Variants in MITF observed in about 807,000 individuals in gnomAD.
The protein encoded by MITF is melanocyte inducing transcription factor.
In MITF, 17 loss-of-function variants were observed where a neutral mutation model predicts 60.5. The observed-to-expected ratio is 0.28, with a 90% CI of 0.19 to 0.42. The LOEUF is 0.42. Ranked by LOEUF, MITF falls within the 10% of genes least tolerant of loss-of-function variation. The pLI is 1.00. For missense variants in MITF, 622 were observed against 683.5 expected, an observed-to-expected ratio of 0.91 and a Z score of 1.00; for synonymous variants, 260 against 248.5, an observed-to-expected ratio of 1.05 and a Z score of -0.43.
chr3:69,886,347 G>A (rs2064617876), intron 2 of MITF, among the ~76,000 whole-genome samples: 1 of 152,012 alleles, frequency 6.6e-6, no homozygotes, highest in Non-Finnish European at 1.5e-5. Context: ...TTGGATGGTG[G>A]GATGAACACT....
intron 1 of MITF, among the ~76,000 whole-genome samples, chr3:69,861,589 G>T (rs1256845554): frequency 2.0e-5 from 3 of 152,188 alleles, no homozygotes; most frequent in African/African-American, 7.2e-5. Context: ...GAGGGCTCTA[G>T]CATTCTGTCC....
chr3:69,856,340 G>A (rs1267306145), intron 1 of MITF, among the ~76,000 whole-genome samples: 1 of 152,142 alleles, frequency 6.6e-6, no homozygotes, highest in Non-Finnish European at 1.5e-5. Flanking sequence ...AATGGAAATA[G>A]GTATTAAAAT....
intron 1 of MITF, among the ~76,000 whole-genome samples, chr3:69,801,972 A>G (rs2062928053): frequency 6.6e-6 from 1 of 152,128 alleles, no homozygotes; most frequent in East Asian, 1.9e-4. Context: ...CTCAATAAAC[A>G]TGGGTCTTAT....
At chr3:69,769,264 A>G (rs1304142088) in intron 1 of MITF, among the ~76,000 whole-genome samples, 1 of 152,176 alleles carries the variant, frequency 6.6e-6, no homozygotes, top group East Asian at 1.9e-4. Context: ...CCTACCTCAT[A>G]AGGATGTGGC....
chr3:69,774,134 C>T (rs931088324), intron 1 of MITF, among the ~76,000 whole-genome samples: 1 of 152,196 alleles, frequency 6.6e-6, no homozygotes, highest in African/African-American at 2.4e-5. Context: ...TACCAATATC[C>T]TTTAAAAATG....
chr3:69,966,063 C>T lies in MITF; in HGVS notation c.*815C>T, dbSNP rs138600599. ...TGAGGAGCACTGAAAGTATGTTTTA[C>T]TTTTTTTTTATTTTATTTTTGCTTT... On this transcript the variant is annotated 3_prime_UTR_variant, in exon 10 of 10. Transcript: ENST00000352241. The T allele has an allele frequency of 3.3e-3, 772 of 230,880 alleles. 6 individuals carry two copies. The highest frequency in any genetic ancestry group is 0.016 in the African/African-American group (740 of 45,134). The allele number at this position is 230,880 out of a possible 1,614,324, so 14.3% of individuals were successfully genotyped here. A position where few individuals can be genotyped will look rare whatever the true frequency, so the allele number is the denominator to read the frequency against.
intron 1 of MITF, among the ~76,000 whole-genome samples, chr3:69,877,181 A>G (rs971796949): frequency 2.0e-5 from 3 of 152,198 alleles, no homozygotes; most frequent in Admixed American, 2.0e-4. Context: ...TTGAATTCAT[A>G]TATGATAATG....
chr3:69,943,235 C>CA (rs1450631675), intron 5 of MITF, among the ~76,000 whole-genome samples: 1 of 151,682 alleles, frequency 6.6e-6, no homozygotes, highest in Non-Finnish European at 1.5e-5. Context: ...GTATTCTCCA[C>CA]AAAAAAATCA....
At chr3:69,865,109 G>C (rs1407208069) in intron 1 of MITF, among the ~76,000 whole-genome samples, 1 of 152,120 alleles carries the variant, frequency 6.6e-6, no homozygotes, top group Non-Finnish European at 1.5e-5. Flanking sequence ...TGAATAAAAT[G>C]AGCAGAGAAT....
chr3:69,796,494 CTTTTTT>C (rs767834091), intron 1 of MITF, among the ~76,000 whole-genome samples: 9 of 80,310 alleles, frequency 1.1e-4, no homozygotes, highest in African/African-American at 3.5e-4. Context: ...CACCGTCTTT[CTTTTTT>C]TTTTTTTTTT....
intron 1 of MITF, among the ~76,000 whole-genome samples, chr3:69,757,608 A>C (rs1361245062): frequency 6.6e-6 from 1 of 152,064 alleles, no homozygotes; most frequent in Admixed American, 6.5e-5. Flanking sequence ...TGGTGTTGAG[A>C]GTTAGGACAC....
At chr3:69,819,923 C>G (rs756647801) in intron 1 of MITF, among the ~76,000 whole-genome samples, 9 of 152,148 alleles carry the variant, frequency 5.9e-5, no homozygotes, top group African/African-American at 1.4e-4. Flanking sequence ...CAAAGTTGCA[C>G]CATTGCACTC....
chr3:69,805,917 T>C (rs1350781077), intron 1 of MITF, among the ~76,000 whole-genome samples: 1 of 152,166 alleles, frequency 6.6e-6, no homozygotes, highest in Non-Finnish European at 1.5e-5. Context: ...TGCCTTGTTC[T>C]TCCAAAGTAC....
chr3:69,824,571 G>T (rs1046845084), intron 1 of MITF, among the ~76,000 whole-genome samples: 1 of 152,160 alleles, frequency 6.6e-6, no homozygotes, highest in African/African-American at 2.4e-5. Flanking sequence ...TAAATCTGGC[G>T]TGCATTCTCA....
chr3:69,851,276 G>A (rs1286833269), intron 1 of MITF, among the ~76,000 whole-genome samples: 1 of 152,132 alleles, frequency 6.6e-6, no homozygotes, highest in Non-Finnish European at 1.5e-5. Context: ...TTTCTTTAAA[G>A]TATGTACCAT....
chr3:69,852,386 T>G (rs2063839868), intron 1 of MITF, among the ~76,000 whole-genome samples: 1 of 152,194 alleles, frequency 6.6e-6, no homozygotes, highest in Non-Finnish European at 1.5e-5. Context: ...ATTAATCATG[T>G]CTGGGTTTTA....
intron 1 of MITF, among the ~76,000 whole-genome samples, chr3:69,845,442 CT>C (rs751773040): frequency 1.5e-3 from 212 of 136,790 alleles, no homozygotes; most frequent in South Asian, 4.4e-3. Flanking sequence ...TTTTTTCTTT[CT>C]TTTTTTTTTT....
chr3:69,963,876 T>C lies in MITF; in HGVS notation c.1180-971T>C, dbSNP rs184489709. On this transcript the variant is annotated intron_variant, in intron 9 of 9. Coordinates refer to ENST00000352241, the MANE Select transcript of MITF (RefSeq NM_001354604.2). Reference sequence around the variant, plus strand: ...CTATCTCCAGTGCTCTGTGAGTTCATTGCAGCACACATGGGGACCTCAGTG... The same window carrying C: ...CTATCTCCAGTGCTCTGTGAGTTCACTGCAGCACACATGGGGACCTCAGTG... Among the ~76,000 whole-genome samples the C allele has an allele frequency of 2.0e-5, 3 of 152,250 alleles. No individual in the cohort carries two copies. The East Asian group carries it at 5.8e-4, about 29-fold the overall frequency.
intron 2 of MITF, among the ~76,000 whole-genome samples, chr3:69,890,023 G>A (rs548494034): frequency 1.4e-4 from 22 of 152,134 alleles, no homozygotes; most frequent in South Asian, 6.2e-4. Context: ...TTAATCACAC[G>A]AATATAAAAA....
Sources: gnomAD v4.1 joint callset for allele counts (sites outside exome capture counted in the v4.1 genomes callset) on GRCh38, gnomAD v4.1.1 for gene constraint, MANE v1.5 for transcripts, NCBI Gene and HGNC (gene_info 2026-07-23, HGNC 2026-07-21) for gene names.